Variants in NEBL observed in about 807,000 individuals in gnomAD.
NEBL encodes the protein nebulette.
Under a neutral mutation model 140.2 loss-of-function variants are expected in NEBL, and 122 were observed. The ratio of observed to expected loss-of-function variants is 0.87; its 90% CI spans 0.75 to 1.01. The LOEUF (loss-of-function observed/expected upper bound fraction) is 1.01, where lower values mean the gene tolerates loss of function less well. NEBL is among the 50% of genes least tolerant of loss of function. NEBL has a pLI of 0.00. For synonymous variants in NEBL, 436 were observed against 398.9 expected (o/e 1.09, Z -1.11); for missense variants, 1,365 against 1,231.3 (o/e 1.11, Z -1.62).
intron 13 of NEBL, among the ~76,000 whole-genome samples, chr10:20,840,103 G>A (rs974784359): frequency 5.9e-5 from 9 of 152,132 alleles, no homozygotes; most frequent in African/African-American, 1.7e-4. Context: ...CATCGTCATC[G>A]CTATCATCAT....
intron 3 of NEBL, among the ~76,000 whole-genome samples, chr10:20,977,292 G>A (rs1401937864): frequency 1.3e-5 from 2 of 152,158 alleles, no homozygotes; most frequent in Admixed American, 6.5e-5. Flanking sequence ...AGGCTGTAAG[G>A]GATTTTGCTT....
chr10:20,842,175 C>T (rs1161712824), intron 12 of NEBL, among the ~76,000 whole-genome samples: 1 of 152,004 alleles, frequency 6.6e-6, no homozygotes, highest in Non-Finnish European at 1.5e-5. Flanking sequence ...ATTAGCCTGT[C>T]CTCTGCTCAA....
At chr10:20,976,255 C>T (rs529034046) in intron 3 of NEBL, among the ~76,000 whole-genome samples, 19 of 151,164 alleles carry the variant, frequency 1.3e-4, no homozygotes, top group East Asian at 9.7e-4. Flanking sequence ...GCAGGAGAAT[C>T]GTTTGCACCC....
In NEBL at chr10:20,896,483, C is replaced by CATATATATATATATATATATAT. The variant is rs57289458; in HGVS notation, c.153+453_153+474dup. 4.2e-4 allele frequency among the ~76,000 whole-genome samples: 37 copies of CATATATATATATATATATATAT among 88,076 alleles called. 2 individuals carry two copies. Among genetic ancestry groups the CATATATATATATATATATATAT allele is most frequent in the East Asian group, 7.8e-4 (3 of 3,834 alleles). The allele number at this position is 88,076 out of a possible 152,430, so 57.8% of individuals were successfully genotyped here. A position where few individuals can be genotyped will look rare whatever the true frequency, so the allele number is the denominator to read the frequency against. On this transcript the variant is annotated intron_variant, in intron 2 of 27. Coordinates refer to ENST00000377122, the MANE Select transcript of NEBL (RefSeq NM_006393.3). ...CTGAATTGTAAATAAATATTATATGCATATATATATATATATATATATATA... is the reference window on the plus strand; with the variant it reads ...CTGAATTGTAAATAAATATTATATGCATATATATATATATATATATATATATATATATATATATATATATATA...
intron 2 of NEBL, among the ~76,000 whole-genome samples, chr10:21,168,819 C>T (rs1405455491): frequency 1.3e-5 from 2 of 151,172 alleles, no homozygotes; most frequent in African/African-American, 4.9e-5. Flanking sequence ...GAGGCTGAGG[C>T]GGGTGGATCA....
chr10:20,813,270 A>C (rs1267321422), intron 23 of NEBL, among the ~76,000 whole-genome samples: 1 of 151,716 alleles, frequency 6.6e-6, no homozygotes, highest in African/African-American at 2.4e-5. Flanking sequence ...TTTAAATATA[A>C]ATTAAATTTC....
intron 3 of NEBL, among the ~76,000 whole-genome samples, chr10:21,015,891 G>T (rs572709309): frequency 1.2e-4 from 19 of 152,304 alleles, no homozygotes; most frequent in African/African-American, 4.1e-4. Context: ...CAAAGAGTTT[G>T]TGTTCCAAAA....
chr10:20,816,447 T>G (rs1348024702), intron 21 of NEBL, among the ~76,000 whole-genome samples: 1 of 152,166 alleles, frequency 6.6e-6, no homozygotes, highest in East Asian at 1.9e-4. Flanking sequence ...TGCTTCTCAC[T>G]GGTCCACTCC....
At chr10:21,097,129 A>G (rs1837224550) in intron 2 of NEBL, among the ~76,000 whole-genome samples, 1 of 149,584 alleles carries the variant, frequency 6.7e-6, no homozygotes, top group Non-Finnish European at 1.5e-5. Context: ...ATTTATAATA[A>G]TTATTCATTG....
At chr10:20,791,426 T>C (rs1159969379) in intron 26 of NEBL, among the ~76,000 whole-genome samples, 1 of 152,110 alleles carries the variant, frequency 6.6e-6, no homozygotes, top group African/African-American at 2.4e-5. Context: ...TTTTTTGAGA[T>C]GGGGTCTCAC....
At chr10:20,873,640 A>AT (rs1440940335) in intron 5 of NEBL, among the ~76,000 whole-genome samples, 1 of 152,258 alleles carries the variant, frequency 6.6e-6, no homozygotes, top group South Asian at 2.1e-4. Context: ...TCACTCATAC[A>AT]TTTTTTCAAG....
chr10:21,043,483 T>C (rs558544837), intron 2 of NEBL, among the ~76,000 whole-genome samples: 24 of 152,328 alleles, frequency 1.6e-4, no homozygotes, highest in Non-Finnish European at 3.2e-4. Context: ...TAAGATATCA[T>C]TCTTCAAATT....
intron 3 of NEBL, among the ~76,000 whole-genome samples, chr10:21,221,185 T>C (rs1842060942): frequency 6.6e-6 from 1 of 152,070 alleles, no homozygotes; most frequent in Admixed American, 6.6e-5. Flanking sequence ...CTACATGAAG[T>C]GATGGATAGG....
intron 3 of NEBL, among the ~76,000 whole-genome samples, chr10:21,234,758 C>G (rs913893074): frequency 2.0e-5 from 3 of 152,144 alleles, no homozygotes; most frequent in Admixed American, 2.0e-4. Context: ...TGCAGAGAAG[C>G]CAGCTGAACC....
At chr10:21,285,902 C>T (rs1389982300) in intron 1 of NEBL, among the ~76,000 whole-genome samples, 2 of 152,212 alleles carry the variant, frequency 1.3e-5, no homozygotes. Flanking sequence ...GGACCCCACA[C>T]CCTGTGAGAG....
At chr10:20,973,308 A>G (rs1327814320) in intron 3 of NEBL, among the ~76,000 whole-genome samples, 1 of 150,194 alleles carries the variant, frequency 6.7e-6, no homozygotes, top group East Asian at 1.9e-4. Flanking sequence ...GTGCAGTGGC[A>G]TGATCATGGC....
intron 2 of NEBL, among the ~76,000 whole-genome samples, chr10:21,079,592 G>T (rs956591552): frequency 6.6e-6 from 1 of 152,158 alleles, no homozygotes; most frequent in Admixed American, 6.5e-5. Flanking sequence ...AACATAGGGA[G>T]GCTCAACAAC....
At chr10:21,115,536 G>GT (rs970722848) in intron 2 of NEBL, among the ~76,000 whole-genome samples, 1 of 151,514 alleles carries the variant, frequency 6.6e-6, no homozygotes, top group Admixed American at 6.6e-5. Context: ...CTAGGTGAGA[G>GT]TTTTTTTTCT....
In NEBL at chr10:20,944,549, T is replaced by C. The variant is rs1005924568; in HGVS notation, c.357+17123A>G. 4.6e-5 allele frequency among the ~76,000 whole-genome samples: 7 copies of C among 152,240 alleles called. No homozygotes were observed. The South Asian group carries it at 8.3e-4, about 18-fold the overall frequency. On this transcript the variant is annotated intron_variant, in intron 4 of 6. Coordinates refer to the NEBL transcript ENST00000417816. ...TGTAGCATTTCTCTCTATATTTGTATGAGAACTAATGCAGCATGCAAGGCT... is the reference window on the plus strand; with the variant it reads ...TGTAGCATTTCTCTCTATATTTGTACGAGAACTAATGCAGCATGCAAGGCT...
Sources: allele counts gnomAD v4.1 joint callset (sites outside exome capture counted in the v4.1 genomes callset), GRCh38; gene constraint gnomAD v4.1.1; transcripts MANE v1.5; gene names NCBI Gene and HGNC (gene_info 2026-07-23, HGNC 2026-07-21).